The following PDIA6 variants were observed in gnomAD, a reference collection of about 807,000 sequenced individuals.
PDIA6 encodes the protein protein disulfide isomerase family A member 6.
In PDIA6, 29 loss-of-function variants were observed where a neutral mutation model predicts 58.4. The observed-to-expected ratio is 0.50, with a 90% CI of 0.37 to 0.68. The LOEUF (loss-of-function observed/expected upper bound fraction) is 0.68, where lower values mean the gene tolerates loss of function less well. Among genes scored for constraint, PDIA6 ranks in the 30% least tolerant of loss-of-function variants. PDIA6 has a pLI of 0.00. For synonymous variants in PDIA6, 192 were observed against 202.6 expected, an observed-to-expected ratio of 0.95 and a Z score of 0.44; for missense variants, 480 against 551.0, an observed-to-expected ratio of 0.87 and a Z score of 1.29.
intron 6 of PDIA6, 113 bp downstream of exon 6, chr2:10,791,682 G>C (rs531530475): frequency 1.1e-6 from 1 of 934,622 alleles, no homozygotes; most frequent in South Asian, 1.8e-5. Context: ...TCAGAGTTTT[G>C]CTGGAAGAGA....
intron 1 of PDIA6, chr2:10,823,081 C>T (rs1466193763): frequency 6.6e-6 from 1 of 152,216 alleles, no homozygotes; most frequent in African/African-American, 2.4e-5. Flanking sequence ...TTTGCTATGA[C>T]TCCTTTCTCC....
chr2:10,804,135 C>T (rs888988062), intron 1 of PDIA6, among the ~76,000 whole-genome samples: 1 of 151,752 alleles, frequency 6.6e-6, no homozygotes, highest in Non-Finnish European at 1.5e-5. Context: ...GTCTCGATCT[C>T]CTGACCTTGT....
intron 2 of PDIA6, among the ~76,000 whole-genome samples, chr2:10,801,429 A>G (rs866695219): frequency 9.9e-5 from 15 of 152,228 alleles, no homozygotes; most frequent in Non-Finnish European, 2.9e-5. Context: ...TCGCTCTCAG[A>G]AACAAGGTAA....
At chr2:10,836,266 G>A (rs1667829993), upstream of PDIA6, among the ~76,000 whole-genome samples, 1 of 152,194 alleles carries the variant, frequency 6.6e-6, no homozygotes, top group Non-Finnish European at 1.5e-5. Flanking sequence ...GGCACACTCA[G>A]GTCCTACGAT....
Position 10,791,837 on chromosome 2 carries a change from C to T in PDIA6, c.542G>A (p.Trp181Ter). The change falls in exon 6 of 13, where the codon TGG (tryptophan) becomes TAG (stop). Residue 181 changes from tryptophan to a stop codon, truncating the protein, a stop_gained. Transcript: ENST00000272227. LOFTEE classifies it high-confidence loss of function. ...CCAAGGAGCATAGAACTCAACCATC[C>T]AAACATCTTCACTGTCCAGAACATT... ...DKNVLDSEDV[W>*]MVEFYAPWCG... 2 of 1,614,108 alleles carry T rather than the reference C, an allele frequency of 1.2e-6. No homozygotes were observed. The highest frequency in any genetic ancestry group is 1.7e-6 in the Non-Finnish European group (2 of 1,179,966).
chr2:10,831,230 C>T (rs900690195), intron 1 of PDIA6, among the ~76,000 whole-genome samples: 5 of 152,232 alleles, frequency 3.3e-5, no homozygotes, highest in Admixed American at 3.3e-4. Flanking sequence ...ACTTAGCCTT[C>T]CCCTTGACCC....
At chr2:10,833,616 A>G (rs1667760956), upstream of PDIA6, among the ~76,000 whole-genome samples, 1 of 152,200 alleles carries the variant, frequency 6.6e-6, no homozygotes, top group South Asian at 2.1e-4. Context: ...GAGTGCCAGT[A>G]TGGTTGGCAC....
upstream of PDIA6, among the ~76,000 whole-genome samples, chr2:10,814,822 C>T (rs1237302378): frequency 6.6e-6 from 1 of 152,252 alleles, no homozygotes; most frequent in Admixed American, 6.5e-5. Context: ...ATCGCAGCCT[C>T]TCCAGGCCTG....
At chr2:10,798,734 G>A (rs972134852) in intron 2 of PDIA6, among the ~76,000 whole-genome samples, 11 of 152,186 alleles carry the variant, frequency 7.2e-5, no homozygotes, top group African/African-American at 2.7e-4. Context: ...GATTCTTGGG[G>A]TCCACAAACC....
chr2:10,810,857 C>T (rs1666974506), intron 1 of PDIA6, among the ~76,000 whole-genome samples: 2 of 152,250 alleles, frequency 1.3e-5, no homozygotes, highest in South Asian at 4.2e-4. Flanking sequence ...TTCTAAAATT[C>T]ACATCACCAT....
chr2:10,788,930 C>T lies in PDIA6; in HGVS notation c.892G>A (p.Val298Ile), dbSNP rs753634451. The change falls in exon 9 of 13, where the codon GTT (valine) becomes ATT (isoleucine). Residue 298 changes from valine (V) to isoleucine (I), a missense_variant. Transcript: ENST00000272227. ...KRTCEEHQLC[V>I]VAVLPHILDT... is the part of the protein sequence containing the mutation. ...AGGATATGGGGCAGCACAGCCACAA[C>T]ACAGAGCTGGTGCTCCTCACACGTC... is the stretch of plus-strand genomic sequence containing the variant. 1.2e-6 allele frequency: 2 copies of T among 1,614,154 alleles called. No individual in the cohort carries two copies. The highest frequency in any genetic ancestry group is 1.1e-5 in the South Asian group (1 of 91,084).
chr2:10,787,678 TGGA>T (rs1312053525), intron 10 of PDIA6, among the ~76,000 whole-genome samples: 2 of 152,136 alleles, frequency 1.3e-5, no homozygotes, highest in Non-Finnish European at 2.9e-5. Flanking sequence ...GCTGGACTAA[TGGA>T]GGAGGAGCAA....
intron 2 of PDIA6, among the ~76,000 whole-genome samples, chr2:10,799,246 T>G (rs1168263471): frequency 6.6e-6 from 1 of 152,244 alleles, no homozygotes; most frequent in African/African-American, 2.4e-5. Context: ...GACACCATAG[T>G]TTATCCATTG....
chr2:10,794,853 G>A (rs1339763217), intron 4 of PDIA6, among the ~76,000 whole-genome samples: 1 of 152,140 alleles, frequency 6.6e-6, no homozygotes, highest in Non-Finnish European at 1.5e-5. Context: ...CTTGAACCCA[G>A]GAGGCGGAGG....
intron 7 of PDIA6, among the ~76,000 whole-genome samples, chr2:10,790,479 G>A (rs1037489334): frequency 1.3e-5 from 2 of 152,200 alleles, no homozygotes; most frequent in African/African-American, 2.4e-5. Context: ...ACTTGAATAA[G>A]TCTGGGCAAG....
In PDIA6 at chr2:10,788,764, C is replaced by A; in HGVS notation, c.931G>T (p.Ala311Ser). Reference protein sequence around the residue: ...VLPHILDTGAAGRNSYLEVLL... With the variant: ...VLPHILDTGASGRNSYLEVLL... ...ACTTCCAGATAAGAATTTCTGCCTG[C>A]AGCTCCTGATTTAAATAGACAAAGT... is the stretch of plus-strand genomic sequence containing the variant. The change falls in exon 10 of 13, where the codon GCA becomes TCA. Residue 311 changes from alanine to serine, a missense_variant. Transcript: ENST00000272227. The A allele has an allele frequency of 6.2e-7, 1 of 1,612,014 alleles. No individual in the cohort carries two copies. The highest frequency in any genetic ancestry group is 8.5e-7 in the Non-Finnish European group (1 of 1,178,052).
chr2:10,799,406 T>G (rs1050858726), intron 2 of PDIA6, among the ~76,000 whole-genome samples: 1 of 152,242 alleles, frequency 6.6e-6, no homozygotes, highest in African/African-American at 2.4e-5. Flanking sequence ...CAGGTCCTCT[T>G]GTTATTTCAT....
At chr2:10,811,744 C>T (rs1287063781) in intron 1 of PDIA6, among the ~76,000 whole-genome samples, 1 of 152,180 alleles carries the variant, frequency 6.6e-6, no homozygotes, top group African/African-American at 2.4e-5. Flanking sequence ...CTCGGCCTCG[C>T]CCACTAAGAA....
intron 2 of PDIA6, chr2:10,819,200 C>A: frequency 1.2e-6 from 1 of 834,270 alleles, no homozygotes; most frequent in Non-Finnish European, 1.9e-6. Flanking sequence ...TGTTAGTGGA[C>A]ACTTGGGTTG....
Sources: gnomAD v4.1 joint callset for allele counts (sites outside exome capture counted in the v4.1 genomes callset) on GRCh38, gnomAD v4.1.1 for gene constraint, MANE v1.5 for transcripts, NCBI Gene and HGNC (gene_info 2026-07-23, HGNC 2026-07-21) for gene names.